TBC1D32: variants seen among roughly 807,000 people sequenced by gnomAD.
TBC1D32 encodes protein broad-minded.
A neutral mutation model predicts 170.3 loss-of-function variants in TBC1D32; 151 were observed. The ratio of observed to expected loss-of-function variants is 0.89; its 90% CI spans 0.78 to 1.01. The LOEUF is 1.01. TBC1D32 is among the 50% of genes least tolerant of loss of function. The pLI is 0.00. For synonymous variants in TBC1D32, 498 were observed against 488.0 expected, an observed-to-expected ratio of 1.02 and a Z score of -0.27; for missense variants, 1,464 against 1,457.1, an observed-to-expected ratio of 1.00 and a Z score of -0.08.
At chr6:121,235,051 T>G (rs1005599516) in intron 20 of TBC1D32, among the ~76,000 whole-genome samples, 2 of 152,192 alleles carry the variant, frequency 1.3e-5, no homozygotes. Flanking sequence ...AAGGGTCTTG[T>G]GATGTGATCC....
intron 20 of TBC1D32, among the ~76,000 whole-genome samples, chr6:121,234,236 T>A (rs1260594035): frequency 6.6e-6 from 1 of 152,180 alleles, no homozygotes; most frequent in African/African-American, 2.4e-5. Flanking sequence ...TCTTTCAGTT[T>A]CTTGTATTTG....
At chr6:121,309,030 C>T (rs76235333) in intron 4 of TBC1D32, among the ~76,000 whole-genome samples, 1,681 of 152,178 alleles carry the variant, frequency 0.011, 34 homozygotes, top group African/African-American at 0.039. Flanking sequence ...GGAGCCAAAA[C>T]CTCAGCAAAT....
intron 1 of TBC1D32, among the ~76,000 whole-genome samples, chr6:121,329,707 T>C (rs1563437203): frequency 1.3e-5 from 2 of 151,932 alleles, no homozygotes; most frequent in South Asian, 2.1e-4. Context: ...TATTCAATCA[T>C]ATATGGAAAA....
intron 2 of TBC1D32, among the ~76,000 whole-genome samples, chr6:121,319,011 T>C (rs913095835): frequency 6.7e-6 from 1 of 150,002 alleles, no homozygotes; most frequent in African/African-American, 2.4e-5. Context: ...GTATAAAATA[T>C]ATTTTAAAAT....
intron 17 of TBC1D32, among the ~76,000 whole-genome samples, chr6:121,253,145 A>T (rs1798512107): frequency 6.6e-6 from 1 of 152,232 alleles, no homozygotes; most frequent in Non-Finnish European, 1.5e-5. Context: ...ACAGCAAAAA[A>T]AATAAGCGGA....
chr6:121,226,676 C>T (rs901931664), intron 20 of TBC1D32, among the ~76,000 whole-genome samples: 2 of 151,856 alleles, frequency 1.3e-5, no homozygotes, highest in Admixed American at 1.3e-4. Context: ...GGTTAGTGTT[C>T]GGGGAATACA....
intron 22 of TBC1D32, among the ~76,000 whole-genome samples, chr6:121,168,457 C>G (rs1237006743): frequency 1.1e-5 from 1 of 94,208 alleles, no homozygotes; most frequent in African/African-American, 3.5e-5. Context: ...TAACCTATCA[C>G]AAGAACAAAA....
intron 22 of TBC1D32, among the ~76,000 whole-genome samples, chr6:121,173,954 C>T (rs1021724810): frequency 2.0e-5 from 3 of 151,104 alleles, no homozygotes; most frequent in African/African-American, 7.3e-5. Flanking sequence ...AAGATACATA[C>T]TAAAAAAAAA....
chr6:121,098,288 A>G (rs552116977), intron 30 of TBC1D32, among the ~76,000 whole-genome samples: 2 of 152,070 alleles, frequency 1.3e-5, no homozygotes, highest in South Asian at 2.1e-4. Flanking sequence ...CAAAATAGGT[A>G]TGATTTATAA....
At chr6:121,092,293 GTTTTTTTTT>G (rs1160372863) in intron 30 of TBC1D32, among the ~76,000 whole-genome samples, 7 of 50,388 alleles carry the variant, frequency 1.4e-4, no homozygotes, top group Admixed American at 3.0e-4. Context: ...TCAGTTTTAT[GTTTTTTTTT>G]TTTTTTTTTT....
intron 17 of TBC1D32, among the ~76,000 whole-genome samples, chr6:121,253,653 A>C (rs1221744538): frequency 6.6e-6 from 1 of 152,056 alleles, no homozygotes. Flanking sequence ...TGGGAGGCGG[A>C]GCTTTCAGTG....
intron 19 of TBC1D32, among the ~76,000 whole-genome samples, chr6:121,240,627 A>G (rs1372850709): frequency 1.3e-5 from 2 of 151,716 alleles, no homozygotes; most frequent in Non-Finnish European, 2.9e-5. Context: ...GGTGGTTCAC[A>G]CTTGTAATCC....
intron 9 of TBC1D32, 84 bp from the exon 10 acceptor site, chr6:121,299,589 T>A: frequency 3.8e-6 from 5 of 1,314,916 alleles, no homozygotes; most frequent in Non-Finnish European, 5.2e-6. Flanking sequence ...AATGACAACA[T>A]CATAAATCAC....
chr6:121,214,004 C>A (rs964199865), intron 21 of TBC1D32, among the ~76,000 whole-genome samples: 1 of 152,126 alleles, frequency 6.6e-6, no homozygotes, highest in Non-Finnish European at 1.5e-5. Context: ...ATCTGATCAT[C>A]AACAAAGTTG....
intron 12 of TBC1D32, among the ~76,000 whole-genome samples, chr6:121,288,718 C>A (rs1037110960): frequency 2.6e-5 from 4 of 152,020 alleles, no homozygotes; most frequent in African/African-American, 9.7e-5. Flanking sequence ...AATTTTAGAC[C>A]AATATCCCAC....
chr6:121,242,120 A>G (rs562828811), intron 18 of TBC1D32, 81 bp downstream of exon 18: 2 of 1,425,748 alleles, frequency 1.4e-6, no homozygotes, highest in Admixed American at 4.2e-5. Context: ...ACTTCTTCAT[A>G]CACAGAAAAC....
Position 121,321,709 on chromosome 6 carries a change from C to G in TBC1D32, c.241G>C (p.Asp81His), listed in dbSNP as rs1470927939. ...CCGCATTCTTCACCCTGATTCCGAT[C>G]AGATGTGCATTTTTCCATTTCTTCT... is the stretch of plus-strand genomic sequence containing the variant. ...IEEEMEKCTS[D>H]RNQGEECGYD... Residue 81 changes from aspartate to histidine, a missense_variant, in exon 2 of 32, where the codon GAT (aspartate) becomes CAT (histidine). By Grantham distance (81) the Asp-to-His change is moderately conservative. Around this residue, in one of 3 missense-constraint regions of TBC1D32, gnomAD observed 1,363 missense variants for 1,338.1 expected, o/e 1.02. Transcript: ENST00000398212. 2 of 1,614,052 alleles carry G rather than the reference C, an allele frequency of 1.2e-6. No individual in the cohort carries two copies. The highest frequency in any genetic ancestry group is 3.3e-5 in the Admixed American group (2 of 60,010).
At chr6:121,197,813 A>G (rs1161561668) in intron 22 of TBC1D32, among the ~76,000 whole-genome samples, 2 of 152,188 alleles carry the variant, frequency 1.3e-5, no homozygotes, top group Non-Finnish European at 2.9e-5. Context: ...TGTATGATAC[A>G]AAGTACTGAT....
chr6:121,312,089 T>TG (rs1808298512), intron 3 of TBC1D32, among the ~76,000 whole-genome samples: 1 of 151,984 alleles, frequency 6.6e-6, no homozygotes, highest in African/African-American at 2.4e-5. Flanking sequence ...TCATCTGTCT[T>TG]GGAACAAAAA....
Sources: gnomAD v4.1 joint callset for allele counts (sites outside exome capture counted in the v4.1 genomes callset) on GRCh38, gnomAD v4.1.1 for gene constraint, gnomAD v4.1.1 regional missense constraint, MANE v1.5 for transcripts, NCBI Gene and HGNC (gene_info 2026-07-23, HGNC 2026-07-21) for gene names.